ABCA13: variants seen among roughly 807,000 people sequenced by gnomAD.
ABCA13 encodes ATP binding cassette subfamily A member 13.
In ABCA13, 476 loss-of-function variants were observed where a neutral mutation model predicts 478.7. That is an observed-to-expected ratio of 0.99 (90% confidence interval 0.92 to 1.07). ABCA13 has a LOEUF of 1.07. Ranked by LOEUF, ABCA13 falls within the 50% of genes least tolerant of loss-of-function variation. The probability of loss-of-function intolerance (pLI) is 0.00; values close to 1 mark genes in which losing one functional copy is unlikely to be tolerated. For synonymous variants in ABCA13, 2,252 were observed against 2,158.9 expected, an observed-to-expected ratio of 1.04 and a Z score of -1.20; for missense variants, 6,060 against 5,910.6, an observed-to-expected ratio of 1.03 and a Z score of -0.83.
chr7:48,292,809 G>A (rs889285216), intron 20 of ABCA13, among the ~76,000 whole-genome samples: 2 of 152,206 alleles, frequency 1.3e-5, no homozygotes, highest in Non-Finnish European at 2.9e-5. Flanking sequence ...ACAGCTGTCT[G>A]CTGGTAGTGT....
At chr7:48,551,953 A>G (rs59549039) in intron 55 of ABCA13, among the ~76,000 whole-genome samples, 21,274 of 151,734 alleles carry the variant, frequency 0.14, 2,067 homozygotes, top group African/African-American at 0.23. Context: ...ATTCTTGTTC[A>G]GATATTTACA....
In ABCA13 at chr7:48,581,252, C is replaced by T. The variant is rs147241424; in HGVS notation, c.14505+878C>T. On this transcript the variant is annotated intron_variant, in intron 56 of 61. Coordinates refer to ENST00000435803, the MANE Select transcript of ABCA13 (RefSeq NM_152701.5). ...CACAGGAGACAAAACTAATAGCCTT[C>T]GCCTTCACTGGTCCATGAACGTTCA... Among the ~76,000 whole-genome samples, 943 of 152,254 alleles carry T rather than the reference C, an allele frequency of 6.2e-3. 9 individuals carry two copies. The highest frequency in any genetic ancestry group is 0.022 in the African/African-American group (897 of 41,568).
At chr7:48,591,993 T>G (rs1031146474) in intron 57 of ABCA13, among the ~76,000 whole-genome samples, 1 of 151,960 alleles carries the variant, frequency 6.6e-6, no homozygotes, top group African/African-American at 2.4e-5. Flanking sequence ...TAGTATTATG[T>G]TGAATAGAAG....
intron 19 of ABCA13, among the ~76,000 whole-genome samples, chr7:48,283,905 T>C (rs1797382365): frequency 6.6e-6 from 1 of 152,182 alleles, no homozygotes; most frequent in African/African-American, 2.4e-5. Context: ...CAGGGTAGCT[T>C]CTGAATCTCT....
At chr7:48,342,070 C>CT (rs922278301) in intron 29 of ABCA13, among the ~76,000 whole-genome samples, 23 of 148,834 alleles carry the variant, frequency 1.5e-4, no homozygotes, top group East Asian at 5.9e-4. Context: ...GTGTAATTTC[C>CT]TTTTTTTTTC....
At chr7:48,567,665 A>G (rs750887257) in intron 55 of ABCA13, among the ~76,000 whole-genome samples, 1 of 152,096 alleles carries the variant, frequency 6.6e-6, no homozygotes, top group Non-Finnish European at 1.5e-5. Context: ...TAGTATTAGC[A>G]TACATGTAAC....
chr7:48,586,593 G>A (rs1789203276), intron 56 of ABCA13, among the ~76,000 whole-genome samples: 1 of 152,078 alleles, frequency 6.6e-6, no homozygotes, highest in Non-Finnish European at 1.5e-5. Flanking sequence ...CGGAGGGAGG[G>A]CGTGTGACAA....
chr7:48,403,003 A>G (rs1393590117), intron 38 of ABCA13, among the ~76,000 whole-genome samples: 2 of 152,192 alleles, frequency 1.3e-5, no homozygotes, highest in Non-Finnish European at 2.9e-5. Context: ...CACAGTGGTG[A>G]GGGAAGTTAT....
intron 31 of ABCA13, among the ~76,000 whole-genome samples, chr7:48,359,638 A>C (rs1035322037): frequency 6.6e-6 from 1 of 151,998 alleles, no homozygotes; most frequent in African/African-American, 2.4e-5. Context: ...GGAGAGGGGC[A>C]GAAGCAGGGA....
intron 56 of ABCA13, among the ~76,000 whole-genome samples, chr7:48,584,107 ATT>A: frequency 6.6e-6 from 1 of 152,176 alleles, no homozygotes; most frequent in Non-Finnish European, 1.5e-5. Context: ...TACATATATT[ATT>A]ATTTTTATTT....
chr7:48,438,523 G>A (rs1342089696), intron 42 of ABCA13, among the ~76,000 whole-genome samples: 1 of 151,144 alleles, frequency 6.6e-6, no homozygotes, highest in African/African-American at 2.4e-5. Flanking sequence ...CTGGCATTTT[G>A]TGAGCTTTTT....
rs745888112 is a variant in ABCA13 at position 48,276,311 on chromosome 7, C to G, written c.6645C>G (p.Asn2215Lys). ...ACATCCTAATTAATTTGATCAATAA[C>G]TTAGCTGGGAATTCTCAGGAAGCAG... ...FENILINLIN[N>K]LAGNSQEAAW... Residue 2215 changes from asparagine (N) to lysine (K), a missense_variant, in exon 17 of 62, where the codon AAC (asparagine) becomes AAG (lysine). Asn to Lys is a moderately conservative substitution (Grantham distance 94). Around this residue, in one of 3 missense-constraint regions of ABCA13, gnomAD observed 4,423 missense variants for 4,309.1 expected, o/e 1.03. Transcript: ENST00000435803. 27 of 1,554,364 alleles carry G rather than the reference C, an allele frequency of 1.7e-5. No homozygotes were observed. The South Asian group carries it at 3.0e-4, about 17-fold the overall frequency.
intron 27 of ABCA13, among the ~76,000 whole-genome samples, chr7:48,330,635 G>GTCCA (rs901557475): frequency 6.3e-5 from 8 of 126,898 alleles, no homozygotes; most frequent in African/African-American, 1.2e-4. Flanking sequence ...TCATCTATCT[G>GTCCA]TCCATCCATC....
chr7:48,367,978 C>T (rs1811945277), intron 32 of ABCA13, 70 bp downstream of exon 32: 1 of 1,223,060 alleles, frequency 8.2e-7, no homozygotes, highest in African/African-American at 1.5e-5. Flanking sequence ...TGGATCTTGT[C>T]CCATAACCAA....
In ABCA13 at chr7:48,276,387, A is replaced by G. The variant is rs1236975065; in HGVS notation, c.6721A>G (p.Ile2241Val). The G allele has an allele frequency of 1.3e-6, 2 of 1,556,314 alleles. No homozygotes were observed. The highest frequency in any genetic ancestry group is 1.9e-5 in the Admixed American group (1 of 51,988). The change falls in exon 17 of 62, where the codon ATC (isoleucine) becomes GTC (valine). Residue 2241 changes from isoleucine (I) to valine (V), a missense_variant. By Grantham distance (29) the Ile-to-Val change is conservative (BLOSUM62 3). Around this residue, in one of 3 missense-constraint regions of ABCA13, gnomAD observed 4,423 missense variants for 4,309.1 expected, o/e 1.03. Transcript: ENST00000435803. The stretch of plus-strand genomic sequence containing the variant: ...TCAAATAATGAATTTCATTAACCTT[A>G]TCTTGAACCATATGCAGTCAGAAAC... ...DLQIMNFINL[I>V]LNHMQSETSR...
rs375547406 is a variant in ABCA13, at chr7:48,234,159, T to A, written c.897+8T>A. 6 of 1,613,720 alleles carry A rather than the reference T, an allele frequency of 3.7e-6. No individual in the cohort carries two copies. Among genetic ancestry groups the A allele is most frequent in the Non-Finnish European group, 5.1e-6 (6 of 1,179,806 alleles). The stretch of plus-strand genomic sequence containing the variant: ...TCAGCTGAACTGAAGGAGGTACACA[T>A]GCTTGACTGCTTCTCACACCGCTGG... On this transcript the variant is annotated splice_region_variant and intron_variant, in intron 8 of 61. Transcript: ENST00000435803.
chr7:48,581,962 G>A (rs1167604562), intron 56 of ABCA13, among the ~76,000 whole-genome samples: 2 of 152,172 alleles, frequency 1.3e-5, no homozygotes, highest in African/African-American at 4.8e-5. Flanking sequence ...TGTCCAGAAA[G>A]AATTATTATA....
At chr7:48,452,332 C>T (rs1825146163) in intron 42 of ABCA13, among the ~76,000 whole-genome samples, 1 of 152,048 alleles carries the variant, frequency 6.6e-6, no homozygotes, top group Non-Finnish European at 1.5e-5. Context: ...TTCCAGAATC[C>T]ACACGATATG....
chr7:48,640,569 T>C (rs1024497675), intron 59 of ABCA13, among the ~76,000 whole-genome samples: 1 of 152,198 alleles, frequency 6.6e-6, no homozygotes, highest in Admixed American at 6.5e-5. Context: ...ATTATACAAA[T>C]AATGTGGACA....
Sources: gnomAD v4.1 joint callset for allele counts (sites outside exome capture counted in the v4.1 genomes callset) on GRCh38, gnomAD v4.1.1 for gene constraint, gnomAD v4.1.1 regional missense constraint, MANE v1.5 for transcripts, NCBI Gene and HGNC (gene_info 2026-07-23, HGNC 2026-07-21) for gene names.